Variants in DIAPH3 observed in about 807,000 individuals in gnomAD.
The protein encoded by DIAPH3 is diaphanous related formin 3.
A neutral mutation model predicts 144.3 loss-of-function variants in DIAPH3; 117 were observed. That is an observed-to-expected ratio of 0.81 (90% CI 0.70 to 0.95). DIAPH3 has a LOEUF of 0.95. Ranked by LOEUF, DIAPH3 falls within the 40% of genes least tolerant of loss-of-function variation. DIAPH3 has a pLI of 0.00. For missense variants in DIAPH3, 1,421 were observed against 1,412.7 expected, an observed-to-expected ratio of 1.01 and a Z score of -0.09; for synonymous variants, 519 against 488.9, an observed-to-expected ratio of 1.06 and a Z score of -0.81.
chr13:60,032,327 T>C (rs2054861659), intron 5 of DIAPH3, among the ~76,000 whole-genome samples: 1 of 152,196 alleles, frequency 6.6e-6, no homozygotes, highest in African/African-American at 2.4e-5. Flanking sequence ...CAACCCCACA[T>C]TTCCCCTTGG....
intron 1 of DIAPH3, among the ~76,000 whole-genome samples, chr13:60,162,137 A>G (rs1213953053): frequency 6.6e-6 from 1 of 152,236 alleles, no homozygotes; most frequent in Non-Finnish European, 1.5e-5. Flanking sequence ...ATGAGAATCC[A>G]TTTAACAAAT....
chr13:59,822,154 T>G (rs775779090), intron 24 of DIAPH3, among the ~76,000 whole-genome samples: 1 of 152,150 alleles, frequency 6.6e-6, no homozygotes, highest in East Asian at 1.9e-4. Flanking sequence ...AGATAAAGTA[T>G]AAGATGTTTG....
chr13:60,066,934 C>A (rs1008930262), intron 4 of DIAPH3, among the ~76,000 whole-genome samples: 14 of 152,266 alleles, frequency 9.2e-5, no homozygotes, highest in African/African-American at 3.4e-4. Flanking sequence ...CTAAAAGGAA[C>A]TATATGTTTA....
chr13:59,912,654 A>G (rs1386963602), intron 19 of DIAPH3, among the ~76,000 whole-genome samples: 1 of 152,206 alleles, frequency 6.6e-6, no homozygotes, highest in Non-Finnish European at 1.5e-5. Context: ...AAGTTAGTGC[A>G]TTGATATTAA....
At chr13:59,947,096 T>A (rs55856590) in intron 17 of DIAPH3, among the ~76,000 whole-genome samples, 1 of 152,310 alleles carries the variant, frequency 6.6e-6, no homozygotes, top group East Asian at 1.9e-4. Flanking sequence ...TTAACCTTCA[T>A]CAACCAACAT....
At chr13:60,080,921 A>G (rs1566748035) in intron 4 of DIAPH3, among the ~76,000 whole-genome samples, 1 of 151,990 alleles carries the variant, frequency 6.6e-6, no homozygotes, top group Non-Finnish European at 1.5e-5. Context: ...TATGAACTCA[A>G]TTTACATGGA....
At chr13:59,818,739 C>T (rs1389524479) in intron 24 of DIAPH3, among the ~76,000 whole-genome samples, 3 of 151,554 alleles carry the variant, frequency 2.0e-5, no homozygotes, top group Non-Finnish European at 4.4e-5. Context: ...TTATACTGTC[C>T]CCCTGGTTTG....
chr13:59,960,246 T>C (rs2049670318), intron 17 of DIAPH3, among the ~76,000 whole-genome samples: 1 of 152,200 alleles, frequency 6.6e-6, no homozygotes, highest in Non-Finnish European at 1.5e-5. Flanking sequence ...AGCTAAAAAC[T>C]AAAGACATTT....
At chr13:59,787,106 CAAT>C (rs1004955525) in intron 25 of DIAPH3, among the ~76,000 whole-genome samples, 1 of 151,940 alleles carries the variant, frequency 6.6e-6, no homozygotes, top group Non-Finnish European at 1.5e-5. Flanking sequence ...GTCTCAATAA[CAAT>C]AATAATAATG....
chr13:59,980,700 GAAGA>G, intron 14 of DIAPH3, 91 bp downstream of exon 14: 1 of 1,132,862 alleles, frequency 8.8e-7, no homozygotes, highest in East Asian at 2.4e-5. Flanking sequence ...AGCAGATAAA[GAAGA>G]AAGAACGAAT....
At chr13:60,057,153 A>C (rs553783034) in intron 4 of DIAPH3, among the ~76,000 whole-genome samples, 2 of 151,832 alleles carry the variant, frequency 1.3e-5, no homozygotes, top group South Asian at 2.1e-4. Flanking sequence ...GAAAACCCTA[A>C]AGACTTCTCC....
chr13:59,789,496 G>T (rs1332207372), intron 25 of DIAPH3, among the ~76,000 whole-genome samples: 1 of 152,122 alleles, frequency 6.6e-6, no homozygotes, highest in Non-Finnish European at 1.5e-5. Flanking sequence ...GAATGAAATG[G>T]TTTCAGATAA....
At chr13:59,976,529 T>C (rs1249542910) in intron 14 of DIAPH3, among the ~76,000 whole-genome samples, 1 of 151,946 alleles carries the variant, frequency 6.6e-6, no homozygotes, top group Non-Finnish European at 1.5e-5. Flanking sequence ...GCCAGTTCTA[T>C]AGCATAAATA....
At position 60,028,303 on chromosome 13, in the gene DIAPH3, TACC is replaced by T. The variant is rs1266829964; in HGVS notation, c.627-12161_627-12159del. Among the ~76,000 whole-genome samples, 4 of 152,188 alleles carry T rather than the reference TACC, an allele frequency of 2.6e-5. No homozygotes were observed. In the South Asian group the frequency reaches 6.2e-4, roughly 24 times the overall value. On this transcript the variant is annotated intron_variant, in intron 5 of 27. Transcript: ENST00000400324. ...CTCAATCTCATTTCAGTCTGGCTTC[TACC>T]ACCAAGACTCCAAAAAAATCTATTT...
chr13:59,924,992 TAA>T, intron 17 of DIAPH3, 122 bp from the exon 18 acceptor site: 1 of 1,434,408 alleles, frequency 7.0e-7, no homozygotes, highest in South Asian at 1.4e-5. Flanking sequence ...ATAAAAGTTA[TAA>T]AAACAAATAA....
intron 24 of DIAPH3, among the ~76,000 whole-genome samples, chr13:59,816,773 A>G (rs2040795433): frequency 6.6e-6 from 1 of 151,894 alleles, no homozygotes; most frequent in Non-Finnish European, 1.5e-5. Flanking sequence ...TGATACTTTT[A>G]TATAATGTGT....
At chr13:59,821,305 AC>A (rs1355435947) in intron 24 of DIAPH3, among the ~76,000 whole-genome samples, 1 of 151,984 alleles carries the variant, frequency 6.6e-6, no homozygotes, top group Non-Finnish European at 1.5e-5. Flanking sequence ...TTCCCACTAA[AC>A]ACCTTGCTTA....
rs1358789419 is a variant in DIAPH3, at chr13:59,974,790, T to TA, written c.1546-335dup. Among the ~76,000 whole-genome samples the TA allele has an allele frequency of 3.3e-5, 5 of 152,236 alleles. No individual in the cohort carries two copies. In the East Asian group the frequency reaches 7.7e-4, roughly 24 times the overall value. ...ATTATTGTGACTTTGTGTAAAATAA[T>TA]AGAGAGCAAAGCATTGTACAAATTC... On this transcript the variant is annotated intron_variant, in intron 14 of 27. Transcript: ENST00000400324.
chr13:59,974,500 T>A (rs765631977), intron 14 of DIAPH3, 44 bp from the exon 15 acceptor site: 1 of 1,451,640 alleles, frequency 6.9e-7, no homozygotes, highest in Non-Finnish European at 9.6e-7. Flanking sequence ...AAGATGAAAA[T>A]GAAAAGCACT....
Sources: allele counts gnomAD v4.1 joint callset (sites outside exome capture counted in the v4.1 genomes callset), GRCh38; gene constraint gnomAD v4.1.1; transcripts MANE v1.5; gene names NCBI Gene and HGNC (gene_info 2026-07-23, HGNC 2026-07-21).